CCSER1: variants seen among roughly 807,000 people sequenced by gnomAD.
The protein encoded by CCSER1 is coiled-coil serine rich protein 1, also known as serine-rich coiled-coil domain-containing protein 1.
In CCSER1, 41 loss-of-function variants were observed where a neutral mutation model predicts 82.0. That is an observed-to-expected ratio of 0.50 (90% confidence interval 0.39 to 0.65). The LOEUF (loss-of-function observed/expected upper bound fraction) is 0.65, where lower values mean the gene tolerates loss of function less well. Ranked by LOEUF, CCSER1 falls within the 30% of genes least tolerant of loss-of-function variation. CCSER1 has a pLI of 0.00. For synonymous variants in CCSER1, 414 were observed against 383.9 expected, an observed-to-expected ratio of 1.08 and a Z score of -0.92; for missense variants, 1,119 against 1,064.2, an observed-to-expected ratio of 1.05 and a Z score of -0.72.
chr4:90,540,310 T>C (rs544074659), intron 5 of CCSER1, among the ~76,000 whole-genome samples: 13 of 152,234 alleles, frequency 8.5e-5, no homozygotes, highest in African/African-American at 2.6e-4. Context: ...ACATATTTTG[T>C]GTTTATTAAA....
intron 10 of CCSER1, among the ~76,000 whole-genome samples, chr4:91,260,448 C>A (rs1336803245): frequency 6.6e-6 from 1 of 152,168 alleles, no homozygotes; most frequent in Non-Finnish European, 1.5e-5. Context: ...TCTTAACTAG[C>A]CTGTAAGGGG....
At chr4:91,134,846 G>C (rs963120571) in intron 10 of CCSER1, among the ~76,000 whole-genome samples, 1 of 152,116 alleles carries the variant, frequency 6.6e-6, no homozygotes, top group African/African-American at 2.4e-5. Context: ...CAGACCACAA[G>C]GTCAAGAGAT....
intron 10 of CCSER1, among the ~76,000 whole-genome samples, chr4:91,482,327 G>C (rs1408534902): frequency 3.1e-5 from 3 of 96,486 alleles, no homozygotes; most frequent in Non-Finnish European, 6.3e-5. Context: ...GCGTGAACCC[G>C]GGAAGCGGAG....
intron 10 of CCSER1, among the ~76,000 whole-genome samples, chr4:91,099,656 T>A (rs1476807139): frequency 1.3e-5 from 2 of 152,070 alleles, no homozygotes; most frequent in Non-Finnish European, 2.9e-5. Flanking sequence ...GTGGGACAAC[T>A]CAAAGCAGGG....
intron 10 of CCSER1, among the ~76,000 whole-genome samples, chr4:91,588,354 T>G (rs1045052979): frequency 9.2e-5 from 14 of 151,626 alleles, no homozygotes; most frequent in Non-Finnish European, 5.9e-5. Flanking sequence ...ATTTGAAAAA[T>G]TGCTATTATT....
intron 10 of CCSER1, among the ~76,000 whole-genome samples, chr4:91,216,658 T>A (rs1373483884): frequency 6.6e-6 from 1 of 152,152 alleles, no homozygotes; most frequent in African/African-American, 2.4e-5. Flanking sequence ...TTTAAGAGAC[T>A]TTCCCTTAGC....
At chr4:91,358,390 C>CG (rs1749005658) in intron 10 of CCSER1, among the ~76,000 whole-genome samples, 1 of 67,666 alleles carries the variant, frequency 1.5e-5, no homozygotes, top group Non-Finnish European at 2.8e-5. Flanking sequence ...GCCTGACCCA[C>CG]GTTGTTTTTT....
At chr4:91,520,323 G>A (rs924203035) in intron 10 of CCSER1, among the ~76,000 whole-genome samples, 1 of 142,990 alleles carries the variant, frequency 7.0e-6, no homozygotes, top group East Asian at 2.1e-4. Flanking sequence ...TTTTTAATCA[G>A]TGTTGACCAG....
intron 10 of CCSER1, among the ~76,000 whole-genome samples, chr4:91,172,034 A>G (rs1332671838): frequency 6.6e-6 from 1 of 152,100 alleles, no homozygotes; most frequent in East Asian, 1.9e-4. Flanking sequence ...AACATTATAC[A>G]TTGCAAAGCA....
intron 10 of CCSER1, among the ~76,000 whole-genome samples, chr4:91,148,207 G>T (rs1346917302): frequency 2.0e-5 from 3 of 151,898 alleles, no homozygotes; most frequent in African/African-American, 7.3e-5. Context: ...ATTAGTGATG[G>T]GACATTGCAT....
intron 6 of CCSER1, among the ~76,000 whole-genome samples, chr4:90,639,221 GCTT>G (rs1264870238): frequency 1.3e-5 from 2 of 151,054 alleles, no homozygotes; most frequent in East Asian, 1.9e-4. Flanking sequence ...ATCAGTAAAT[GCTT>G]CTTAATAGCA....
chr4:90,363,859 A>T (rs1745817683), intron 3 of CCSER1, among the ~76,000 whole-genome samples: 1 of 152,054 alleles, frequency 6.6e-6, no homozygotes, highest in Non-Finnish European at 1.5e-5. Flanking sequence ...TTTCCTATAG[A>T]TACATGTTCA....
chr4:90,405,267 G>A (rs1753548223), intron 4 of CCSER1, among the ~76,000 whole-genome samples: 1 of 151,924 alleles, frequency 6.6e-6, no homozygotes, highest in Non-Finnish European at 1.5e-5. Flanking sequence ...GAACTTCAGA[G>A]CTCAAAGACA....
chr4:90,547,727 T>C (rs1436544893), intron 5 of CCSER1, among the ~76,000 whole-genome samples: 1 of 152,168 alleles, frequency 6.6e-6, no homozygotes, highest in Admixed American at 6.6e-5. Flanking sequence ...ATATTTTCAC[T>C]GATCTTAACT....
chr4:90,716,809 T>C (rs1446235074), intron 6 of CCSER1, among the ~76,000 whole-genome samples: 1 of 152,158 alleles, frequency 6.6e-6, no homozygotes, highest in Admixed American at 6.6e-5. Context: ...ATGCATTTCT[T>C]AGAATTTCTC....
intron 6 of CCSER1, among the ~76,000 whole-genome samples, chr4:90,668,961 G>T (rs551307602): frequency 1.3e-5 from 2 of 152,094 alleles, no homozygotes; most frequent in Admixed American, 6.5e-5. Context: ...ATTGCACAAG[G>T]TATAATATAA....
intron 1 of CCSER1, among the ~76,000 whole-genome samples, chr4:90,276,187 TTTC>T (rs1324997601): frequency 7.0e-5 from 2 of 28,620 alleles, no homozygotes; most frequent in African/African-American, 2.3e-4. Context: ...TGAACACTGT[TTTC>T]TTTCTTTCTT....
intron 7 of CCSER1, among the ~76,000 whole-genome samples, chr4:90,768,686 A>G (rs1426025362): frequency 6.6e-6 from 1 of 152,242 alleles, no homozygotes; most frequent in Non-Finnish European, 1.5e-5. Context: ...TGGAGGAAAG[A>G]TAATCCTTGT....
chr4:90,202,231 G>A (rs1424511579), intron 1 of CCSER1, among the ~76,000 whole-genome samples: 2 of 147,738 alleles, frequency 1.4e-5, no homozygotes, highest in Admixed American at 6.8e-5. Context: ...ACTGAGTGTC[G>A]CTCTGTCACC....
Sources: allele counts gnomAD v4.1 joint callset (sites outside exome capture counted in the v4.1 genomes callset), GRCh38; gene constraint gnomAD v4.1.1; transcripts MANE v1.5; gene names NCBI Gene and HGNC (gene_info 2026-07-23, HGNC 2026-07-21).